CSMD3: variants seen among roughly 807,000 people sequenced by gnomAD.
CSMD3 encodes the protein CUB and sushi domain-containing protein 3.
In CSMD3, 177 loss-of-function variants were observed where a neutral mutation model predicts 435.2. The observed-to-expected ratio is 0.41, with a 90% CI of 0.36 to 0.46. The LOEUF (loss-of-function observed/expected upper bound fraction) is 0.46, where lower values mean the gene tolerates loss of function less well. CSMD3 is among the 20% of genes least tolerant of loss of function. CSMD3 has a pLI of 0.34. For synonymous variants in CSMD3, 1,656 were observed against 1,520.5 expected (o/e 1.09, Z -2.07); for missense variants, 4,265 against 4,504.6 (o/e 0.95, Z 1.52).
intron 1 of CSMD3, among the ~76,000 whole-genome samples, chr8:113,427,109 T>C (rs998515261): frequency 3.3e-5 from 5 of 151,360 alleles, no homozygotes; most frequent in Non-Finnish European, 7.4e-5. Context: ...TAATAATGCA[T>C]GTAGAAAAAG....
intron 4 of CSMD3, among the ~76,000 whole-genome samples, chr8:113,140,592 C>G (rs1348429999): frequency 6.6e-6 from 1 of 151,070 alleles, no homozygotes; most frequent in Non-Finnish European, 1.5e-5. Context: ...AACCGGATAT[C>G]TATAACTCAG....
rs1563913272 is a variant in CSMD3 at position 112,410,650 on chromosome 8, G to GTATATATATA, written c.5396-1619_5396-1618insTATATATATA. 7.7e-3 allele frequency among the ~76,000 whole-genome samples: 570 copies of GTATATATATA among 73,804 alleles called. 63 individuals carry two copies. The highest frequency in any genetic ancestry group is 1.0e-2 in the Non-Finnish European group (317 of 31,786). 48.4% of individuals were successfully genotyped at this position (73,804 alleles called of 152,430 possible). A position where few individuals can be genotyped will look rare whatever the true frequency, so the allele number is the denominator to read the frequency against. ...TGTGTATATATATGTATATATATAT[G>GTATATATATA]TGTATATATATGTATATATATATGT... On this transcript the variant is annotated intron_variant, in intron 32 of 70. Transcript: ENST00000297405.
chr8:112,690,307 T>C (rs548191912), intron 13 of CSMD3, among the ~76,000 whole-genome samples: 82 of 152,046 alleles, frequency 5.4e-4, no homozygotes, highest in South Asian at 3.5e-3. Flanking sequence ...AGAGGCCATG[T>C]ACTTAACAGA....
At chr8:112,314,143 G>T in intron 48 of CSMD3, 91 bp from the exon 49 acceptor site, 1 of 982,390 alleles carries the variant, frequency 1.0e-6, no homozygotes, top group Non-Finnish European at 1.6e-6. Flanking sequence ...TATTAAATAT[G>T]GTTAAATTGC....
Position 113,098,947 on chromosome 8 carries a change from T to A in CSMD3, c.726A>T (p.Gly242=), listed in dbSNP as rs1010955448. The part of the protein sequence containing the change: ...VPICRAEDAC[G]GTMRGSSGII... Reference sequence around the variant, plus strand: ...TGCCACTGGATCCTCTCATTGTTCCTCCACAAGCATCTTCAGCTGTTAAAA... The same window carrying A: ...TGCCACTGGATCCTCTCATTGTTCCACCACAAGCATCTTCAGCTGTTAAAA... Residue 242 remains glycine (G), a synonymous_variant, in exon 5 of 71, where the codon GGA becomes GGT. Coordinates refer to ENST00000297405, the MANE Select transcript of CSMD3 (RefSeq NM_198123.2). 2 of 1,608,426 alleles carry A rather than the reference T, an allele frequency of 1.2e-6. No homozygotes were observed. The highest frequency in any genetic ancestry group is 1.7e-6 in the Non-Finnish European group (2 of 1,175,148).
chr8:112,393,957 C>G (rs1830656421), intron 35 of CSMD3, among the ~76,000 whole-genome samples: 2 of 151,750 alleles, frequency 1.3e-5, no homozygotes. Flanking sequence ...TAATCACTGT[C>G]CCCCCTTCCA....
At chr8:112,777,921 A>C (rs2132229069) in intron 13 of CSMD3, among the ~76,000 whole-genome samples, 1 of 152,002 alleles carries the variant, frequency 6.6e-6, no homozygotes, top group East Asian at 1.9e-4. Context: ...AAATCAGAAA[A>C]TCATATTAAA....
chr8:112,520,915 C>T (rs1346723890), intron 27 of CSMD3, among the ~76,000 whole-genome samples: 1 of 151,812 alleles, frequency 6.6e-6, no homozygotes, highest in Non-Finnish European at 1.5e-5. Context: ...CCATCAAATC[C>T]ATCACCTCAC....
intron 1 of CSMD3, among the ~76,000 whole-genome samples, chr8:113,420,933 TAAAA>T (rs540357843): frequency 7.0e-6 from 1 of 143,244 alleles, no homozygotes; most frequent in Non-Finnish European, 1.5e-5. Context: ...AGATTCCGTT[TAAAA>T]AAAAAAAAGA....
intron 22 of CSMD3, among the ~76,000 whole-genome samples, chr8:112,622,655 A>G (rs1371347484): frequency 6.6e-6 from 1 of 152,136 alleles, no homozygotes; most frequent in Non-Finnish European, 1.5e-5. Flanking sequence ...TGCTGAATTA[A>G]TAGGGACTCT....
chr8:113,115,303 T>C (rs755374532), intron 4 of CSMD3, among the ~76,000 whole-genome samples: 1 of 152,190 alleles, frequency 6.6e-6, no homozygotes, highest in African/African-American at 2.4e-5. Context: ...TATTTGATAA[T>C]GTTTTAAATT....
chr8:112,500,835 GT>G (rs138520961), intron 30 of CSMD3, among the ~76,000 whole-genome samples: 2,637 of 152,210 alleles, frequency 0.017, 78 homozygotes, highest in African/African-American at 0.06. Context: ...CTGCCCTTCT[GT>G]TTGCCAAACC....
At chr8:112,344,594 G>T (rs1825484288) in intron 41 of CSMD3, among the ~76,000 whole-genome samples, 1 of 152,028 alleles carries the variant, frequency 6.6e-6, no homozygotes, top group Non-Finnish European at 1.5e-5. Context: ...AAAACTACCT[G>T]GTTTGTGCTT....
chr8:113,005,097 TAGAG>T (rs1564199280), intron 6 of CSMD3, among the ~76,000 whole-genome samples: 1 of 151,724 alleles, frequency 6.6e-6, no homozygotes, highest in Non-Finnish European at 1.5e-5. Flanking sequence ...AAGTGATATG[TAGAG>T]AGAGACAGAG....
chr8:113,079,144 C>A (rs1347602531), intron 5 of CSMD3, among the ~76,000 whole-genome samples: 1 of 152,086 alleles, frequency 6.6e-6, no homozygotes, highest in Non-Finnish European at 1.5e-5. Context: ...CTCTAATTAT[C>A]CTAACTTACT....
Position 112,787,610 on chromosome 8 carries a change from A to T in CSMD3, c.1972+12552T>A, listed in dbSNP as rs533062010. Among the ~76,000 whole-genome samples, 11 of 152,298 alleles carry T rather than the reference A, an allele frequency of 7.2e-5. No individual in the cohort carries two copies. The South Asian group carries it at 2.3e-3, about 32-fold the overall frequency. On this transcript the variant is annotated intron_variant, in intron 13 of 70. Transcript: ENST00000297405. ...ACAATGGAGTATTATTCAGCCAGAT[A>T]AAAGGTGAGCTCCTGTCATTTGGAA... is the stretch of plus-strand genomic sequence containing the variant.
At chr8:112,920,252 T>C (rs1232320948) in intron 10 of CSMD3, among the ~76,000 whole-genome samples, 1 of 151,830 alleles carries the variant, frequency 6.6e-6, no homozygotes, top group African/African-American at 2.4e-5. Context: ...TGATTAACAG[T>C]TAAATTGACA....
chr8:112,888,873 C>T (rs1375826459), intron 10 of CSMD3, among the ~76,000 whole-genome samples: 1 of 151,550 alleles, frequency 6.6e-6, no homozygotes, highest in African/African-American at 2.4e-5. Flanking sequence ...CTTAACTGGT[C>T]ACCACAGCGT....
intron 27 of CSMD3, among the ~76,000 whole-genome samples, chr8:112,546,104 G>T (rs933957041): frequency 6.6e-6 from 1 of 152,190 alleles, no homozygotes; most frequent in Non-Finnish European, 1.5e-5. Flanking sequence ...CAGTAGAAAC[G>T]TGCGACGATA....
Sources: allele counts gnomAD v4.1 joint callset (sites outside exome capture counted in the v4.1 genomes callset), GRCh38; gene constraint gnomAD v4.1.1; transcripts MANE v1.5; gene names NCBI Gene and HGNC (gene_info 2026-07-23, HGNC 2026-07-21).